PIEZO2: variants seen among roughly 807,000 people sequenced by gnomAD.
PIEZO2 encodes the protein piezo-type mechanosensitive ion channel component 2.
PIEZO2 carries 172 observed loss-of-function variants against 337.3 expected under a neutral mutation model. The ratio of observed to expected loss-of-function variants is 0.51; its 90% CI spans 0.45 to 0.58. The LOEUF (loss-of-function observed/expected upper bound fraction) is 0.58, where lower values mean the gene tolerates loss of function less well. Among genes scored for constraint, PIEZO2 ranks in the 20% least tolerant of loss-of-function variants. PIEZO2 has a pLI of 0.00. For synonymous variants in PIEZO2, 1,251 were observed against 1,228.5 expected, an observed-to-expected ratio of 1.02 and a Z score of -0.38; for missense variants, 3,028 against 3,391.3, an observed-to-expected ratio of 0.89 and a Z score of 2.66.
Position 11,078,559 on chromosome 18 carries a change from A to G in PIEZO2, c.65-12337T>C, listed in dbSNP as rs1436953183. On this transcript the variant is annotated intron_variant, in intron 1 of 55. Coordinates refer to ENST00000674853, the MANE Select transcript of PIEZO2 (RefSeq NM_001378183.1). The surrounding 1 kb of genome is among the most constrained non-coding windows in gnomAD (Gnocchi z 5.3). Reference sequence around the variant, plus strand: ...TCCTGGGAACATCCTCTTCCCTGACATATATGGAACTATCGCTTTTGCTTT... The same window carrying G: ...TCCTGGGAACATCCTCTTCCCTGACGTATATGGAACTATCGCTTTTGCTTT... Among the ~76,000 whole-genome samples, 1 of 152,184 alleles carries G rather than the reference A, an allele frequency of 6.6e-6. No homozygotes were observed. The highest frequency in any genetic ancestry group is 1.5e-5 in the Non-Finnish European group (1 of 68,038).
At chr18:11,075,075 CTTTG>C (rs2038483417) in intron 1 of PIEZO2, among the ~76,000 whole-genome samples, 1 of 152,162 alleles carries the variant, frequency 6.6e-6, no homozygotes, top group African/African-American at 2.4e-5. Flanking sequence ...CCTCAAGGAG[CTTTG>C]TTTATTTTAA....
At chr18:11,085,767 G>GA (rs61231462) in intron 1 of PIEZO2, among the ~76,000 whole-genome samples, 7 of 143,690 alleles carry the variant, frequency 4.9e-5, no homozygotes, top group East Asian at 2.1e-4. Context: ...TGAAAATATA[G>GA]AAAAAAAATT....
intron 3 of PIEZO2, among the ~76,000 whole-genome samples, chr18:10,941,107 T>A (rs1435953571): frequency 1.3e-5 from 2 of 152,100 alleles, no homozygotes; most frequent in Non-Finnish European, 2.9e-5. Flanking sequence ...TCCATTTTTG[T>A]CAGTATGGCC....
chr18:10,846,039 T>G lies in PIEZO2; in HGVS notation c.917+9314A>C, dbSNP rs1389809324. On this transcript the variant is annotated intron_variant, in intron 7 of 55. Coordinates refer to ENST00000674853, the MANE Select transcript of PIEZO2 (RefSeq NM_001378183.1). This position sits in a 1 kb window ranked among gnomAD's most constrained non-coding sequence, Gnocchi z 4.1. ...GTATGAAGATTGATGATGACCTTTC[T>G]GGAAAATAATTTCCCCACACATCTT... 2.0e-5 allele frequency among the ~76,000 whole-genome samples: 3 copies of G among 152,222 alleles called. No individual in the cohort carries two copies. The highest frequency in any genetic ancestry group is 4.4e-5 in the Non-Finnish European group (3 of 68,042).
chr18:10,699,144 C>G lies in PIEZO2; in HGVS notation c.6475G>C (p.Glu2159Gln), dbSNP rs200276831. The G allele has an allele frequency of 1.0e-3, 1,555 of 1,537,288 alleles. 2 individuals are homozygous for G. The highest frequency in any genetic ancestry group is 1.2e-3 in the Non-Finnish European group (1,364 of 1,146,910). Residue 2159 changes from glutamate (E) to glutamine (Q), a missense_variant, in exon 44 of 56, where the codon GAA becomes CAA. Transcript: ENST00000674853. ...GATTCCTCCCTGGCCATGCCACTTT[C>G]AGTCATGTCATCTTCATCCCATAAG... Reference protein sequence around the residue: ...HGLWDEDDMTESGMAREESDD... With the variant: ...HGLWDEDDMTQSGMAREESDD...
chr18:10,800,505 G>C (rs758465123), intron 10 of PIEZO2, 30 bp from the exon 11 acceptor site: 1 of 1,508,868 alleles, frequency 6.6e-7, no homozygotes. Flanking sequence ...AGGGACAACT[G>C]TTACAGCAGC....
Position 10,731,177 on chromosome 18 carries a change from TTATATATATATATATATA to T in PIEZO2, c.5029+212_5029+229del, listed in dbSNP as rs60508630. Among the ~76,000 whole-genome samples, 199 of 35,238 alleles carry T rather than the reference TTATATATATATATATATA, an allele frequency of 5.6e-3. 5 individuals are homozygous for T. Among genetic ancestry groups the T allele is most frequent in the African/African-American group, 0.018 (142 of 7,766 alleles). The allele number at this position is 35,238 out of a possible 152,430, so 23.1% of individuals were successfully genotyped here. ...CTCTCCTTTTTTCCTACTTAAAAGA[TTATATATATATATATATA>T]TATATATATATATATATATATATCT... On this transcript the variant is annotated intron_variant, in intron 36 of 55. Transcript: ENST00000674853.
intron 2 of PIEZO2, among the ~76,000 whole-genome samples, chr18:10,985,065 C>T (rs2034816980): frequency 6.6e-6 from 1 of 151,984 alleles, no homozygotes; most frequent in South Asian, 2.1e-4. Context: ...ACTAGAACTG[C>T]CCTATAAGAA....
rs571423098 is a variant in PIEZO2, at chr18:10,736,493, C to T, written c.4815+111G>A. The stretch of plus-strand genomic sequence containing the variant: ...AATTGCAGATGTAAATCAGAAGCTT[C>T]GGGGAGCTATGACATATGAATATTA... On this transcript the variant is annotated intron_variant, in intron 34 of 55. Transcript: ENST00000674853. 162 of 1,402,040 alleles carry T rather than the reference C, an allele frequency of 1.2e-4. No homozygotes were observed. In the African/African-American group the frequency reaches 1.6e-3, roughly 13 times the overall value. 86.8% of individuals were successfully genotyped at this position (1,402,040 alleles called of 1,614,324 possible).
Position 11,105,374 on chromosome 18 carries a change from T to C in PIEZO2, c.65-39152A>G, listed in dbSNP as rs1186397643. On this transcript the variant is annotated intron_variant, in intron 1 of 55. Coordinates refer to ENST00000674853, the MANE Select transcript of PIEZO2 (RefSeq NM_001378183.1). The surrounding 1 kb of genome is among the most constrained non-coding windows in gnomAD (Gnocchi z 4.3). ...ACCACACAACTAAACTCGACAAGAA[T>C]ATGTTCCATTTGTAATAAATCTATG... Among the ~76,000 whole-genome samples, 1 of 152,196 alleles carries C rather than the reference T, an allele frequency of 6.6e-6. No individual in the cohort carries two copies. Among genetic ancestry groups the C allele is most frequent in the African/African-American group, 2.4e-5 (1 of 41,450 alleles).
At chr18:10,697,676 TGG>T in intron 45 of PIEZO2, 70 bp downstream of exon 45, 2 of 1,553,110 alleles carry the variant, frequency 1.3e-6, no homozygotes, top group East Asian at 4.5e-5. Context: ...GCTCTGCTCC[TGG>T]TTTATAGGAA....
intron 42 of PIEZO2, among the ~76,000 whole-genome samples, chr18:10,702,849 T>C (rs572795228): frequency 6.6e-6 from 1 of 152,272 alleles, no homozygotes; most frequent in African/African-American, 2.4e-5. Flanking sequence ...TTAACTTATA[T>C]AGAAATATTT....
At chr18:10,907,925 G>A (rs935287307) in intron 4 of PIEZO2, among the ~76,000 whole-genome samples, 1 of 152,186 alleles carries the variant, frequency 6.6e-6, no homozygotes, top group African/African-American at 2.4e-5. Flanking sequence ...GGAGTGGGAG[G>A]TGACTGAGAA....
chr18:10,708,883 T>G (rs2035699439), intron 39 of PIEZO2, among the ~76,000 whole-genome samples: 2 of 152,184 alleles, frequency 1.3e-5, no homozygotes, highest in African/African-American at 4.8e-5. Flanking sequence ...ATGTAGAATT[T>G]ACATAAAATA....
intron 3 of PIEZO2, among the ~76,000 whole-genome samples, chr18:10,928,224 A>T (rs2031867154): frequency 6.6e-6 from 1 of 152,222 alleles, no homozygotes; most frequent in South Asian, 2.1e-4. Context: ...GAAGGCTTCA[A>T]ATCAAAGGAA....
chr18:10,799,716 T>C (rs7241352), intron 11 of PIEZO2, among the ~76,000 whole-genome samples: 3,881 of 152,284 alleles, frequency 0.025, 163 homozygotes, highest in African/African-American at 0.09. Context: ...CCCACCCCTG[T>C]AGTCCTAGCA....
At chr18:11,039,402 C>T (rs1338628681) in intron 2 of PIEZO2, among the ~76,000 whole-genome samples, 1 of 152,184 alleles carries the variant, frequency 6.6e-6, no homozygotes, top group African/African-American at 2.4e-5. Flanking sequence ...ATCGTTTGAA[C>T]AGATTTCTTC....
At chr18:10,938,321 G>A (rs1351430361) in intron 3 of PIEZO2, among the ~76,000 whole-genome samples, 1 of 152,192 alleles carries the variant, frequency 6.6e-6, no homozygotes, top group Non-Finnish European at 1.5e-5. Flanking sequence ...AGAGATAAGT[G>A]CTACAGAACT....
chr18:10,808,174 G>C (rs1444400253), intron 7 of PIEZO2, among the ~76,000 whole-genome samples: 1 of 152,126 alleles, frequency 6.6e-6, no homozygotes, highest in African/African-American at 2.4e-5. Flanking sequence ...CTGCAGCCTT[G>C]AGTGCCTGGG....
Sources: allele counts gnomAD v4.1 joint callset (sites outside exome capture counted in the v4.1 genomes callset), GRCh38; gene constraint gnomAD v4.1.1; non-coding constraint Gnocchi (gnomAD v3.1); transcripts MANE v1.5; gene names NCBI Gene and HGNC (gene_info 2026-07-23, HGNC 2026-07-21).